Variants in PSIP1 observed in about 807,000 individuals in gnomAD.
The protein encoded by PSIP1 is PC4 and SFRS1-interacting protein.
Under a neutral mutation model 74.7 loss-of-function variants are expected in PSIP1, and 19 were observed. That is an observed-to-expected ratio of 0.25 (90% CI 0.18 to 0.37). The LOEUF (loss-of-function observed/expected upper bound fraction) is 0.37, where lower values mean the gene tolerates loss of function less well. Among genes scored for constraint, PSIP1 ranks in the 10% least tolerant of loss-of-function variants. The pLI, the probability that PSIP1 is intolerant of heterozygous loss-of-function variation, is 1.00. For synonymous variants in PSIP1, 222 were observed against 195.3 expected (o/e 1.14, Z -1.14); for missense variants, 601 against 614.3 (o/e 0.98, Z 0.23).
chr9:15,469,227 AAT>A, intron 12 of PSIP1, 37 bp downstream of exon 12: 1 of 1,369,360 alleles, frequency 7.3e-7, no homozygotes, highest in South Asian at 1.3e-5. Context: ...TGAAGCTATA[AAT>A]GCAGTACTGA....
intron 10 of PSIP1, chr9:15,472,367 A>T: frequency 8.0e-7 from 1 of 1,252,474 alleles, no homozygotes; most frequent in Non-Finnish European, 1.0e-6. Context: ...CTTCTTGCAA[A>T]GCCAGTATCA....
At chr9:15,509,232 G>T (rs149438397) in intron 2 of PSIP1, among the ~76,000 whole-genome samples, 2 of 152,342 alleles carry the variant, frequency 1.3e-5, no homozygotes, top group African/African-American at 4.8e-5. Context: ...AGAACCCCAT[G>T]TAAGTATATT....
At chr9:15,471,023 A>C in intron 10 of PSIP1, 1 of 1,427,496 alleles carries the variant, frequency 7.0e-7, no homozygotes, top group East Asian at 2.5e-5. Flanking sequence ...ATCATAACAC[A>C]GTAATGCCAT....
intron 4 of PSIP1, among the ~76,000 whole-genome samples, chr9:15,488,825 T>G (rs1017585413): frequency 6.6e-6 from 1 of 151,924 alleles, no homozygotes; most frequent in Non-Finnish European, 1.5e-5. Context: ...ATCGAGACCA[T>G]CCTGGCTAAC....
chr9:15,510,480 A>G (rs7034812), intron 1 of PSIP1, among the ~76,000 whole-genome samples, 151 bp from the exon 2 acceptor site: 2,553 of 151,800 alleles, frequency 0.017, 62 homozygotes, highest in African/African-American at 0.059. Flanking sequence ...TCCGCGCTGG[A>G]GCAGGTCCTC....
chr9:15,500,663 G>A (rs2037300557), intron 3 of PSIP1, among the ~76,000 whole-genome samples: 1 of 152,066 alleles, frequency 6.6e-6, no homozygotes, highest in South Asian at 2.1e-4. Context: ...CCTCTGCACT[G>A]ACCTTCACTC....
At chr9:15,504,295 C>T (rs184555853) in intron 3 of PSIP1, among the ~76,000 whole-genome samples, 2 of 152,196 alleles carry the variant, frequency 1.3e-5, no homozygotes, top group East Asian at 3.9e-4. Context: ...ACCTATTAAC[C>T]AAACAACAGT....
chr9:15,494,120 T>G (rs1338293690), intron 3 of PSIP1, among the ~76,000 whole-genome samples: 4 of 152,232 alleles, frequency 2.6e-5, no homozygotes, highest in Non-Finnish European at 5.9e-5. Flanking sequence ...ATGTACTAAA[T>G]TTTAAAATTA....
chr9:15,493,786 C>T (rs943653391), intron 3 of PSIP1, among the ~76,000 whole-genome samples: 5 of 152,158 alleles, frequency 3.3e-5, no homozygotes, highest in African/African-American at 1.2e-4. Flanking sequence ...ACCATAACAG[C>T]ATTTGGGAAA....
chr9:15,482,657 C>T (rs1210726853), intron 6 of PSIP1, among the ~76,000 whole-genome samples: 1 of 152,190 alleles, frequency 6.6e-6, no homozygotes, highest in Non-Finnish European at 1.5e-5. Flanking sequence ...TTTATACTGA[C>T]TCCACATCTT....
intron 6 of PSIP1, 141 bp downstream of exon 6, chr9:15,485,865 A>C: frequency 3.0e-6 from 2 of 670,700 alleles, no homozygotes; most frequent in African/African-American, 3.7e-5. Flanking sequence ...TAGTTTTGCC[A>C]AGTAAAACAT....
intron 3 of PSIP1, among the ~76,000 whole-genome samples, chr9:15,496,594 T>G (rs549333485): frequency 2.0e-5 from 3 of 152,214 alleles, no homozygotes; most frequent in Non-Finnish European, 2.9e-5. Context: ...CTTTGCTAAG[T>G]AGGTTTTTAA....
intron 3 of PSIP1, among the ~76,000 whole-genome samples, chr9:15,492,552 G>A (rs1448425972): frequency 3.3e-5 from 5 of 152,194 alleles, no homozygotes; most frequent in Admixed American, 3.3e-4. Context: ...AGCTGTCGGT[G>A]GATCTACCAT....
intron 4 of PSIP1, chr9:15,489,120 A>C (rs1423337886): frequency 2.0e-5 from 3 of 152,240 alleles, no homozygotes; most frequent in African/African-American, 7.2e-5. Context: ...AATTGGATAA[A>C]GGCAAACCAC....
intron 8 of PSIP1, among the ~76,000 whole-genome samples, chr9:15,474,762 C>T (rs2036002431): frequency 6.6e-6 from 1 of 152,098 alleles, no homozygotes. Flanking sequence ...GTTGGTACTA[C>T]AGAAATAGGC....
intron 6 of PSIP1, 117 bp from the exon 7 acceptor site, chr9:15,479,804 CT>C: frequency 1.8e-6 from 1 of 548,250 alleles, no homozygotes; most frequent in Non-Finnish European, 3.0e-6. Flanking sequence ...GATATAACCT[CT>C]ATATGATCTT....
intron 2 of PSIP1, among the ~76,000 whole-genome samples, chr9:15,509,087 C>T (rs1362635016): frequency 6.6e-6 from 1 of 152,162 alleles, no homozygotes; most frequent in Non-Finnish European, 1.5e-5. Context: ...GACAGGACTC[C>T]GTTATCTAAT....
chr9:15,469,357 A>T (rs766469454), intron 11 of PSIP1, 21 bp from the exon 12 acceptor site: 21 of 1,480,326 alleles, frequency 1.4e-5, no homozygotes, highest in Non-Finnish European at 1.8e-5. Context: ...AAATATGTGA[A>T]AAACAGTGAA....
chr9:15,476,645 T>C (rs2036094018), intron 8 of PSIP1, among the ~76,000 whole-genome samples: 1 of 152,210 alleles, frequency 6.6e-6, no homozygotes, highest in African/African-American at 2.4e-5. Flanking sequence ...TCCTGAGGGA[T>C]GGTTTCTCAC....
Sources: allele counts gnomAD v4.1 joint callset (sites outside exome capture counted in the v4.1 genomes callset), GRCh38; gene constraint gnomAD v4.1.1; transcripts MANE v1.5; gene names NCBI Gene and HGNC (gene_info 2026-07-23, HGNC 2026-07-21).